The following CNTN6 variants were observed in gnomAD, a reference collection of about 807,000 sequenced individuals.
CNTN6 encodes contactin-6.
CNTN6 carries 137 observed loss-of-function variants against 122.8 expected under a neutral mutation model. That is an observed-to-expected ratio of 1.12 (90% confidence interval 0.97 to 1.29). The LOEUF (loss-of-function observed/expected upper bound fraction) is 1.29. Ranked by LOEUF, CNTN6 falls within the 50% of genes most tolerant of loss-of-function variation. The pLI is 0.00. For synonymous variants in CNTN6, 570 were observed against 426.0 expected, an observed-to-expected ratio of 1.34 and a Z score of -4.16; for missense variants, 1,634 against 1,223.4, an observed-to-expected ratio of 1.34 and a Z score of -5.01.
At chr3:1,397,299 A>C (rs925633909) in intron 20 of CNTN6, among the ~76,000 whole-genome samples, 2 of 152,220 alleles carry the variant, frequency 1.3e-5, no homozygotes, top group Non-Finnish European at 2.9e-5. Context: ...TAAGATGTAC[A>C]TAAGGAGCAT....
intron 19 of CNTN6, 143 bp downstream of exon 19, chr3:1,383,551 C>T (rs1231456234): frequency 1.5e-6 from 1 of 648,582 alleles, no homozygotes; most frequent in Non-Finnish European, 2.7e-6. Flanking sequence ...GAAGTTGAGA[C>T]AGGGTAGGTG....
intron 11 of CNTN6, among the ~76,000 whole-genome samples, chr3:1,335,221 C>G (rs770678717): frequency 6.6e-6 from 1 of 152,084 alleles, no homozygotes; most frequent in Admixed American, 6.6e-5. Context: ...ATTTTATGTC[C>G]GGAATGACAG....
At chr3:1,252,871 C>T (rs781219392) in intron 4 of CNTN6, among the ~76,000 whole-genome samples, 10 of 152,064 alleles carry the variant, frequency 6.6e-5, no homozygotes, top group Non-Finnish European at 1.0e-4. Context: ...ACTGTAAATC[C>T]GGTTGGATTT....
intron 4 of CNTN6, among the ~76,000 whole-genome samples, chr3:1,245,238 ACACAC>A (rs1464006157): frequency 3.8e-4 from 3 of 7,890 alleles, no homozygotes; most frequent in African/African-American, 1.4e-3. Flanking sequence ...ATATATATAC[ACACAC>A]ACATATATAT....
At chr3:1,139,889 C>G (rs1574990039) in intron 1 of CNTN6, among the ~76,000 whole-genome samples, 2 of 152,186 alleles carry the variant, frequency 1.3e-5, no homozygotes, top group South Asian at 4.1e-4. Flanking sequence ...TTGGCCAAGA[C>G]TCAGCTATTG....
At chr3:1,347,809 A>G (rs1462293683) in intron 11 of CNTN6, among the ~76,000 whole-genome samples, 1 of 152,138 alleles carries the variant, frequency 6.6e-6, no homozygotes, top group African/African-American at 2.4e-5. Flanking sequence ...GTAGCTAAGA[A>G]CACAGACAAG....
chr3:1,104,588 A>G (rs1401677099), intron 1 of CNTN6, among the ~76,000 whole-genome samples: 4 of 152,130 alleles, frequency 2.6e-5, no homozygotes, highest in Admixed American at 2.0e-4. Flanking sequence ...ATAACAAGTG[A>G]AGGAAAATTA....
intron 11 of CNTN6, 151 bp downstream of exon 11, chr3:1,330,086 A>G (rs1702086017): frequency 2.0e-6 from 1 of 508,816 alleles, no homozygotes; most frequent in African/African-American, 2.0e-5. Flanking sequence ...CATCATAGTA[A>G]AATTGTAAAA....
intron 1 of CNTN6, among the ~76,000 whole-genome samples, chr3:1,122,509 C>T (rs1204973739): frequency 6.7e-6 from 1 of 149,872 alleles, no homozygotes. Context: ...TTAATACAGG[C>T]ACGATGTTGC....
At chr3:1,120,561 C>G (rs552237292) in intron 1 of CNTN6, among the ~76,000 whole-genome samples, 1 of 151,836 alleles carries the variant, frequency 6.6e-6, no homozygotes, top group Non-Finnish European at 1.5e-5. Flanking sequence ...ATATTTTAGA[C>G]ACAACCTTCT....
intron 1 of CNTN6, among the ~76,000 whole-genome samples, chr3:1,109,307 G>A (rs1199779643): frequency 5.3e-5 from 8 of 152,014 alleles, no homozygotes; most frequent in Admixed American, 2.6e-4. Context: ...AAAACTCAAT[G>A]TACCTTTTTG....
intron 2 of CNTN6, among the ~76,000 whole-genome samples, chr3:1,187,074 T>C (rs2093638205): frequency 6.6e-6 from 1 of 152,162 alleles, no homozygotes. Context: ...TTTTTACCTA[T>C]TTTATCCACA....
intron 7 of CNTN6, among the ~76,000 whole-genome samples, chr3:1,317,741 G>T (rs529935237): frequency 6.6e-6 from 1 of 151,720 alleles, no homozygotes; most frequent in South Asian, 2.1e-4. Context: ...TCATCCCCGT[G>T]TTTGTCTAGT....
At chr3:1,300,579 AAGAAAGAAAGAAAGAAAGAAAGAAAGAG>A (rs1194398647) in intron 7 of CNTN6, among the ~76,000 whole-genome samples, 8 of 41,952 alleles carry the variant, frequency 1.9e-4, no homozygotes, top group African/African-American at 4.3e-4. Flanking sequence ...GAAAGAAAGA[AAGAAAGAAAGAAAGAAAGAAAGAAAGAG>A]AGAAAGAAAG....
chr3:1,122,428 AAC>A (rs2125065970), intron 1 of CNTN6, among the ~76,000 whole-genome samples: 1 of 147,880 alleles, frequency 6.8e-6, no homozygotes, highest in East Asian at 1.9e-4. Context: ...GTGATTTAAA[AAC>A]ACAGTTTATT....
At chr3:1,158,722 A>ACCACAATGCCTGGCTAATTTTATATATAT (rs1159651003) in intron 2 of CNTN6, among the ~76,000 whole-genome samples, 1 of 149,798 alleles carries the variant, frequency 6.7e-6, no homozygotes, top group African/African-American at 2.5e-5. Flanking sequence ...ACAGGCTCAT[A>ACCACAATGCCTGGCTAATTTTATATATAT]CCACAATGCC....
chr3:1,105,527 T>C (rs1296361387), intron 1 of CNTN6, among the ~76,000 whole-genome samples: 2 of 152,218 alleles, frequency 1.3e-5, no homozygotes, highest in African/African-American at 4.8e-5. Context: ...AGTTTTCAAA[T>C]GTACACAGTG....
chr3:1,123,856 T>C (rs1450525825), intron 1 of CNTN6, among the ~76,000 whole-genome samples: 1 of 151,986 alleles, frequency 6.6e-6, no homozygotes, highest in East Asian at 1.9e-4. Flanking sequence ...GAAAGTTTCT[T>C]TGTAGTCCTA....
In CNTN6 at chr3:1,178,290, C is replaced by A. The variant is rs1036418964; in HGVS notation, c.55+30227C>A. On this transcript the variant is annotated intron_variant, in intron 2 of 22. Transcript: ENST00000446702. Reference sequence around the variant, plus strand: ...GTTCTGCTTTATTCACTCTTTCTCTCTTTGTGTTTTAGTTTAGGAATTCCT... The same window carrying A: ...GTTCTGCTTTATTCACTCTTTCTCTATTTGTGTTTTAGTTTAGGAATTCCT... Among the ~76,000 whole-genome samples the A allele has an allele frequency of 2.6e-5, 4 of 152,088 alleles. No individual in the cohort carries two copies. The East Asian group carries it at 7.7e-4, about 29-fold the overall frequency.
Sources: allele counts gnomAD v4.1 joint callset (sites outside exome capture counted in the v4.1 genomes callset), GRCh38; gene constraint gnomAD v4.1.1; transcripts MANE v1.5; gene names NCBI Gene and HGNC (gene_info 2026-07-23, HGNC 2026-07-21).